The following ALOX5AP variants were observed in gnomAD, a reference collection of about 807,000 sequenced individuals.
ALOX5AP encodes arachidonate 5-lipoxygenase-activating protein.
A neutral mutation model predicts 18.5 loss-of-function variants in ALOX5AP; 9 were observed. The observed-to-expected ratio is 0.49, with a 90% CI of 0.29 to 0.85. ALOX5AP has a LOEUF of 0.85. Among genes scored for constraint, ALOX5AP ranks in the 40% least tolerant of loss-of-function variants. The pLI is 0.08. For missense variants in ALOX5AP, 172 were observed against 202.5 expected (o/e 0.85, Z 0.91); for synonymous variants, 81 against 78.6 (o/e 1.03, Z -0.16).
chr13:30,752,649 G>C (rs951857396), intron 3 of ALOX5AP, among the ~76,000 whole-genome samples: 1 of 152,186 alleles, frequency 6.6e-6, no homozygotes, highest in Non-Finnish European at 1.5e-5. Context: ...TTAACATTGA[G>C]TGGAAATCAG....
intron 1 of ALOX5AP, among the ~76,000 whole-genome samples, chr13:30,742,859 G>GCCCCC (rs11316477): frequency 7.4e-3 from 785 of 106,020 alleles, no homozygotes; most frequent in Non-Finnish European, 8.1e-3. Context: ...GACCTTCACC[G>GCCCCC]CCCCCCCCCC....
chr13:30,757,286 G>C (rs76218016), intron 4 of ALOX5AP, among the ~76,000 whole-genome samples: 195 of 152,288 alleles, frequency 1.3e-3, no homozygotes, highest in African/African-American at 4.5e-3. Context: ...GAAAACCTGA[G>C]AGCCTGTGAA....
At chr13:30,715,683 G>A (rs1036460628) in intron 1 of ALOX5AP, among the ~76,000 whole-genome samples, 1 of 152,172 alleles carries the variant, frequency 6.6e-6, no homozygotes, top group Non-Finnish European at 1.5e-5. Flanking sequence ...TGTTGGGGCG[G>A]TCTTTCCCAT....
intron 4 of ALOX5AP, among the ~76,000 whole-genome samples, chr13:30,756,625 A>G (rs1421920933): frequency 6.6e-6 from 1 of 152,070 alleles, no homozygotes; most frequent in Non-Finnish European, 1.5e-5. Flanking sequence ...CCTGGCCAAC[A>G]TGGTGAAACC....
Position 30,764,009 on chromosome 13 carries a change from T to C in ALOX5AP, c.389T>C (p.Ile130Thr). ...LFLFLMSVAG[I>T]FNYYLIFFFG... ...CTGTTCCTCATGTCCGTTGCTGGCA[T>C]ATTCAACTATTACCTCATCTTCTTT... Residue 130 changes from isoleucine (I) to threonine (T), a missense_variant, in exon 5 of 5, where the codon ATA becomes ACA. Ile to Thr is a moderately conservative substitution (Grantham distance 89, BLOSUM62 -1). Coordinates refer to ENST00000380490, the MANE Select transcript of ALOX5AP (RefSeq NM_001629.4). The C allele has an allele frequency of 2.5e-6, 4 of 1,614,222 alleles. No homozygotes were observed. The highest frequency in any genetic ancestry group is 3.4e-6 in the Non-Finnish European group (4 of 1,180,024).
At chr13:30,737,222 C>T (rs1185226228) in intron 1 of ALOX5AP, among the ~76,000 whole-genome samples, 1 of 152,370 alleles carries the variant, frequency 6.6e-6, no homozygotes, top group East Asian at 1.9e-4. Context: ...AGTTTGAGCT[C>T]ACTCTCTCCA....
intron 1 of ALOX5AP, among the ~76,000 whole-genome samples, chr13:30,718,382 C>CATATATATATATATATATATATAT (rs59562797): frequency 7.2e-6 from 1 of 139,732 alleles, no homozygotes; most frequent in African/African-American, 2.6e-5. Flanking sequence ...CACAGATATG[C>CATATATATATATATATATATATAT]ATATATATAT....
intron 1 of ALOX5AP, among the ~76,000 whole-genome samples, chr13:30,741,142 A>T (rs1452792708): frequency 9.1e-5 from 4 of 43,768 alleles, no homozygotes; most frequent in African/African-American, 1.3e-4. Flanking sequence ...TTTTTTTGTG[A>T]GATGGAGTCT....
At chr13:30,762,060 G>A (rs1167833038) in intron 4 of ALOX5AP, among the ~76,000 whole-genome samples, 1 of 152,202 alleles carries the variant, frequency 6.6e-6, no homozygotes, top group Non-Finnish European at 1.5e-5. Flanking sequence ...GAATGAAGCT[G>A]GCCAAGGAAC....
intron 1 of ALOX5AP, among the ~76,000 whole-genome samples, chr13:30,736,846 A>G (rs760957100): frequency 1.3e-5 from 2 of 152,178 alleles, no homozygotes; most frequent in Non-Finnish European, 2.9e-5. Flanking sequence ...TTAGGCCACC[A>G]TTTTCTTGAG....
intron 4 of ALOX5AP, among the ~76,000 whole-genome samples, chr13:30,760,474 C>A (rs375401726): frequency 4.6e-5 from 7 of 152,208 alleles, no homozygotes; most frequent in African/African-American, 1.7e-4. Context: ...GTGGTTAGCA[C>A]CTTTGAGATG....
chr13:30,732,517 G>C (rs1439264715), upstream of ALOX5AP, among the ~76,000 whole-genome samples: 1 of 152,138 alleles, frequency 6.6e-6, no homozygotes, highest in African/African-American at 2.4e-5. Context: ...TTTTATTTGC[G>C]GGATTAGTCA....
At chr13:30,719,533 G>T (rs1951577242) in intron 1 of ALOX5AP, among the ~76,000 whole-genome samples, 1 of 152,142 alleles carries the variant, frequency 6.6e-6, no homozygotes, top group South Asian at 2.1e-4. Context: ...ATCTGCTCTA[G>T]GTATAGATTT....
chr13:30,737,623 C>CACTA (rs1467118840), intron 1 of ALOX5AP, among the ~76,000 whole-genome samples: 2 of 152,182 alleles, frequency 1.3e-5, no homozygotes, highest in Non-Finnish European at 2.9e-5. Flanking sequence ...GTTGAAGAGA[C>CACTA]ACTAGAATGG....
intron 1 of ALOX5AP, among the ~76,000 whole-genome samples, chr13:30,717,306 A>G (rs538197867): frequency 1.3e-5 from 2 of 152,252 alleles, no homozygotes; most frequent in Non-Finnish European, 2.9e-5. Context: ...TTACAGCAGC[A>G]TAACAACAAT....
At chr13:30,722,182 ACT>A (rs2137788902) in intron 1 of ALOX5AP, among the ~76,000 whole-genome samples, 1 of 152,204 alleles carries the variant, frequency 6.6e-6, no homozygotes, top group South Asian at 2.1e-4. Context: ...TTCACTTCTT[ACT>A]CTTTCTCTTT....
chr13:30,732,530 C>A (rs1488002602), upstream of ALOX5AP, among the ~76,000 whole-genome samples: 1 of 152,182 alleles, frequency 6.6e-6, no homozygotes, highest in Non-Finnish European at 1.5e-5. Flanking sequence ...ATTAGTCAGT[C>A]CCCCTCTGCC....
At chr13:30,720,050 CG>C (rs1951581732) in intron 1 of ALOX5AP, among the ~76,000 whole-genome samples, 1 of 152,112 alleles carries the variant, frequency 6.6e-6, no homozygotes, top group South Asian at 2.1e-4. Flanking sequence ...TTAGTAGAGA[CG>C]GGGTTTCCCC....
intron 3 of ALOX5AP, among the ~76,000 whole-genome samples, chr13:30,755,112 C>T (rs1951882464): frequency 6.6e-6 from 1 of 152,090 alleles, no homozygotes; most frequent in Non-Finnish European, 1.5e-5. Flanking sequence ...GAGGGAATCT[C>T]CTTCCCAAAA....
Sources: gnomAD v4.1 joint callset for allele counts (sites outside exome capture counted in the v4.1 genomes callset) on GRCh38, gnomAD v4.1.1 for gene constraint, MANE v1.5 for transcripts, NCBI Gene and HGNC (gene_info 2026-07-23, HGNC 2026-07-21) for gene names.